TMEM154: variants seen among roughly 807,000 people sequenced by gnomAD.
The protein encoded by TMEM154 is transmembrane protein 154.
In TMEM154, 27 loss-of-function variants were observed where a neutral mutation model predicts 24.5. The observed-to-expected ratio is 1.10, with a 90% CI of 0.81 to 1.52. TMEM154 has a LOEUF of 1.52. Ranked by LOEUF, TMEM154 falls within the 40% of genes most tolerant of loss-of-function variation. The pLI is 0.00. For synonymous variants in TMEM154, 67 were observed against 76.8 expected, an observed-to-expected ratio of 0.87 and a Z score of 0.67; for missense variants, 228 against 213.4, an observed-to-expected ratio of 1.07 and a Z score of -0.43.
At chr4:152,663,114 T>A (rs75122642) in intron 1 of TMEM154, among the ~76,000 whole-genome samples, 7,090 of 152,260 alleles carry the variant, frequency 0.047, 211 homozygotes, top group Non-Finnish European at 0.063. Flanking sequence ...ATAAGAACTG[T>A]TAAAATGCTT....
At chr4:152,675,447 GA>G (rs1468606297) in intron 1 of TMEM154, among the ~76,000 whole-genome samples, 1 of 152,100 alleles carries the variant, frequency 6.6e-6, no homozygotes, top group Middle Eastern at 3.4e-3. Flanking sequence ...GACCAACATG[GA>G]GAAACCCCAT....
chr4:152,644,523 CT>C, intron 3 of TMEM154, 81 bp from the exon 4 acceptor site: 1 of 1,390,686 alleles, frequency 7.2e-7, no homozygotes, highest in Non-Finnish European at 1.0e-6. Flanking sequence ...CTGAAGTCTC[CT>C]TTACAAAGAG....
chr4:152,677,195 T>A, intron 1 of TMEM154, among the ~76,000 whole-genome samples: 1 of 152,240 alleles, frequency 6.6e-6, no homozygotes, highest in East Asian at 1.9e-4. Flanking sequence ...TCCTGGTGAC[T>A]TCCAAGTGAA....
Position 152,618,864 on chromosome 4 carries a change from G to A in TMEM154, c.*9682C>T, listed in dbSNP as rs977502496. The A allele has an allele frequency of 2.6e-5, 4 of 152,172 alleles. No homozygotes were observed. The highest frequency in any genetic ancestry group is 5.9e-5 in the Non-Finnish European group (4 of 68,026). The allele number at this position is 152,172 out of a possible 1,614,324, so 9.4% of individuals were successfully genotyped here. ...AGAATGACATCAGGATCCATTAGAT[G>A]GAAAGTGAGGAAAATGCAATTAAAC... On this transcript the variant is annotated 3_prime_UTR_variant, in exon 7 of 7. Coordinates refer to ENST00000304385, the MANE Select transcript of TMEM154 (RefSeq NM_152680.3).
chr4:152,652,408 G>A, intron 3 of TMEM154, 130 bp downstream of exon 3: 1 of 1,399,126 alleles, frequency 7.1e-7, no homozygotes, highest in Non-Finnish European at 9.5e-7. Flanking sequence ...TTCACTTCTG[G>A]AAAATTTCAT....
At chr4:152,678,664 A>G (rs1407457752) in intron 1 of TMEM154, among the ~76,000 whole-genome samples, 1 of 152,200 alleles carries the variant, frequency 6.6e-6, no homozygotes, top group Non-Finnish European at 1.5e-5. Flanking sequence ...CTGTGTGCCC[A>G]ATATGGTTTG....
At position 152,622,420 on chromosome 4, in the gene TMEM154, T is replaced by G. The variant is rs1429126402; in HGVS notation, c.*6126A>C. The G allele has an allele frequency of 1.1e-4, 17 of 152,280 alleles. No individual in the cohort carries two copies. In the South Asian group the frequency reaches 3.5e-3, roughly 32 times the overall value. The allele number at this position is 152,280 out of a possible 1,614,324, so 9.4% of individuals were successfully genotyped here. ...AAGAACTTTTCCTTAGAAAGATGCA[T>G]AATTCACCTCTACTCTTAGTAAATA... On this transcript the variant is annotated 3_prime_UTR_variant, in exon 7 of 7. Transcript: ENST00000304385.
chr4:152,663,419 G>T (rs1254605315), intron 1 of TMEM154, among the ~76,000 whole-genome samples: 1 of 152,218 alleles, frequency 6.6e-6, no homozygotes. Flanking sequence ...ACAAGCAAAA[G>T]AATAGAAAAG....
chr4:152,655,293 G>C (rs764962319), intron 1 of TMEM154, among the ~76,000 whole-genome samples: 3 of 152,210 alleles, frequency 2.0e-5, no homozygotes, highest in Non-Finnish European at 4.4e-5. Flanking sequence ...GTGGGGAAAG[G>C]GTAGTGGTCC....
In TMEM154 at chr4:152,626,709, A is replaced by G. The variant is rs1179468660; in HGVS notation, c.*1837T>C. The G allele has an allele frequency of 2.0e-5, 3 of 152,174 alleles. No individual in the cohort carries two copies. Among genetic ancestry groups the G allele is most frequent in the Non-Finnish European group, 4.4e-5 (3 of 68,010 alleles). 9.4% of individuals were successfully genotyped at this position (152,174 alleles called of 1,614,324 possible). On this transcript the variant is annotated 3_prime_UTR_variant, in exon 7 of 7. Coordinates refer to ENST00000304385, the MANE Select transcript of TMEM154 (RefSeq NM_152680.3). ...GTTCATTATTTGATAGGGTTGGATC[A>G]AATGTAAAGGCCCAGGTGTTCAAAG...
At chr4:152,629,165 A>G (rs1357026531) in intron 6 of TMEM154, among the ~76,000 whole-genome samples, 1 of 152,266 alleles carries the variant, frequency 6.6e-6, no homozygotes, top group Admixed American at 6.5e-5. Context: ...GTGCTGATGC[A>G]GAGAGAACCA....
rs147826984 is a variant in TMEM154 at position 152,623,503 on chromosome 4, A to G, written c.*5043T>C. On this transcript the variant is annotated 3_prime_UTR_variant, in exon 7 of 7. Coordinates refer to ENST00000304385, the MANE Select transcript of TMEM154 (RefSeq NM_152680.3). ...CAGAGTAATACATTGCTTACTCTCC[A>G]CTGATTTGTACACTGGAAAAATGTT... The G allele has an allele frequency of 5.9e-5, 9 of 152,282 alleles. No homozygotes were observed. In the East Asian group the frequency reaches 1.7e-3, roughly 29 times the overall value. 9.4% of individuals were successfully genotyped at this position (152,282 alleles called of 1,614,324 possible). A position where few individuals can be genotyped will look rare whatever the true frequency, so the allele number is the denominator to read the frequency against.
rs375362391 is a variant in TMEM154, at chr4:152,626,688, A to G, written c.*1858T>C. ...CCCCAGATGCCTCTCTGAGAAGTTC[A>G]TTATTTGATAGGGTTGGATCAAATG... is the stretch of plus-strand genomic sequence containing the variant. On this transcript the variant is annotated 3_prime_UTR_variant, in exon 7 of 7. Transcript: ENST00000304385. 9 of 152,326 alleles carry G rather than the reference A, an allele frequency of 5.9e-5. No individual in the cohort carries two copies. The East Asian group carries it at 1.7e-3, about 29-fold the overall frequency. The allele number at this position is 152,326 out of a possible 1,614,324, so 9.4% of individuals were successfully genotyped here.
chr4:152,664,832 C>T (rs4569733), intron 1 of TMEM154, among the ~76,000 whole-genome samples: 94,161 of 152,060 alleles, frequency 0.62, 29,723 homozygotes, highest in African/African-American at 0.74. Context: ...ATGTCAAGCC[C>T]TCAAACTCTT....
intron 3 of TMEM154, 92 bp from the exon 4 acceptor site, chr4:152,644,534 G>A (rs1752318697): frequency 8.0e-7 from 1 of 1,254,908 alleles, no homozygotes; most frequent in South Asian, 1.2e-5. Context: ...TTTACAAAGA[G>A]AGCAAAATGA....
chr4:152,628,600 A>AAAAAAAAAAAAAAAAAAC, intron 6 of TMEM154, 39 bp from the exon 7 acceptor site: 2 of 989,212 alleles, frequency 2.0e-6, no homozygotes, highest in Non-Finnish European at 2.7e-6. Context: ...AAACAAAAAA[A>AAAAAAAAAAAAAAAAAAC]ACACACACAC....
At chr4:152,661,123 G>A (rs1042507833) in intron 1 of TMEM154, among the ~76,000 whole-genome samples, 5 of 152,100 alleles carry the variant, frequency 3.3e-5, no homozygotes, top group Admixed American at 3.3e-4. Flanking sequence ...CTGTTCACAG[G>A]TGGCCCTTGG....
In TMEM154 at chr4:152,619,676, G is replaced by A. The variant is rs753777832; in HGVS notation, c.*8870C>T. On this transcript the variant is annotated 3_prime_UTR_variant, in exon 7 of 7. Coordinates refer to ENST00000304385, the MANE Select transcript of TMEM154 (RefSeq NM_152680.3). ...TGTGAAGAAGCCCAAGGAGTCTATGGAGAGGCCCACATCATAAAAGCCAAG... is the reference window on the plus strand; with the variant it reads ...TGTGAAGAAGCCCAAGGAGTCTATGAAGAGGCCCACATCATAAAAGCCAAG... 6.6e-6 allele frequency: 1 copy of A among 152,288 alleles called. No individual in the cohort carries two copies. The highest frequency in any genetic ancestry group is 2.1e-4 in the South Asian group (1 of 4,824). The allele number at this position is 152,288 out of a possible 1,614,324, so 9.4% of individuals were successfully genotyped here. A position where few individuals can be genotyped will look rare whatever the true frequency, so the allele number is the denominator to read the frequency against.
chr4:152,676,598 C>T (rs969685836), intron 1 of TMEM154, among the ~76,000 whole-genome samples: 1 of 152,112 alleles, frequency 6.6e-6, no homozygotes, highest in Non-Finnish European at 1.5e-5. Context: ...TAGTGCCTGA[C>T]CTATAATGAG....
Sources: gnomAD v4.1 joint callset for allele counts (sites outside exome capture counted in the v4.1 genomes callset) on GRCh38, gnomAD v4.1.1 for gene constraint, MANE v1.5 for transcripts, NCBI Gene and HGNC (gene_info 2026-07-23, HGNC 2026-07-21) for gene names.